DNAH5: variants seen among roughly 807,000 people sequenced by gnomAD.
DNAH5 encodes dynein axonemal heavy chain 5.
In DNAH5, 372 loss-of-function variants were observed where a neutral mutation model predicts 518.2. That is an observed-to-expected ratio of 0.72 (90% CI 0.66 to 0.78). DNAH5 has a LOEUF of 0.78. Ranked by LOEUF, DNAH5 falls within the 30% of genes least tolerant of loss-of-function variation. DNAH5 has a pLI of 0.00. For missense variants in DNAH5, 5,523 were observed against 5,687.0 expected (o/e 0.97, Z 0.93); for synonymous variants, 2,039 against 2,025.9 (o/e 1.01, Z -0.17).
intron 31 of DNAH5, among the ~76,000 whole-genome samples, chr5:13,850,103 A>G (rs767673278): frequency 6.6e-6 from 1 of 152,200 alleles, no homozygotes; most frequent in Non-Finnish European, 1.5e-5. Flanking sequence ...TTAAGTGTCA[A>G]TGTACACTTA....
Position 13,788,732 on chromosome 5 carries a change from A to G in DNAH5, c.8631T>C (p.Asp2877=). The change falls in exon 51 of 79, where the codon GAT becomes GAC. Residue 2877 remains aspartate (D), a synonymous_variant. Transcript: ENST00000265104. ...ATAGTTTACCTGCAGCTTCAGGTGC[A>G]TCTCTCAAGAAATCCACAAAATATG... ...IDTYFVDFLR[D]APEAAGETSE... 1 of 1,614,062 alleles carries G rather than the reference A, an allele frequency of 6.2e-7. No individual in the cohort carries two copies. The highest frequency in any genetic ancestry group is 1.3e-5 in the African/African-American group (1 of 75,050).
chr5:13,903,695 A>C (rs1774951915), intron 12 of DNAH5, among the ~76,000 whole-genome samples: 1 of 152,136 alleles, frequency 6.6e-6, no homozygotes, highest in Non-Finnish European at 1.5e-5. Context: ...GACAAAAATC[A>C]GTGAATAAAG....
chr5:13,835,382 C>T (rs572401380), intron 35 of DNAH5, among the ~76,000 whole-genome samples: 120 of 152,004 alleles, frequency 7.9e-4, no homozygotes, highest in Non-Finnish European at 1.3e-3. Flanking sequence ...AAGTAGCTCC[C>T]GAAACATTTC....
At chr5:13,803,110 C>T (rs1381300911) in intron 47 of DNAH5, among the ~76,000 whole-genome samples, 10 of 152,096 alleles carry the variant, frequency 6.6e-5, no homozygotes, top group Non-Finnish European at 1.5e-4. Context: ...CTATGTGTAG[C>T]TCTATACACT....
At chr5:13,734,069 T>C (rs1746997743) in intron 68 of DNAH5, among the ~76,000 whole-genome samples, 1 of 152,102 alleles carries the variant, frequency 6.6e-6, no homozygotes, top group South Asian at 2.1e-4. Context: ...GTGAGGCCAT[T>C]GAGACATAAT....
intron 11 of DNAH5, among the ~76,000 whole-genome samples, chr5:13,912,043 C>G (rs1435252048): frequency 6.6e-6 from 1 of 152,148 alleles, no homozygotes; most frequent in African/African-American, 2.4e-5. Flanking sequence ...TACTGCCCTG[C>G]AAAGCTGCAG....
intron 52 of DNAH5, among the ~76,000 whole-genome samples, chr5:13,782,778 C>CAGAT (rs1561246817): frequency 6.6e-6 from 1 of 152,180 alleles, no homozygotes; most frequent in African/African-American, 2.4e-5. Flanking sequence ...GACAAAGGAA[C>CAGAT]AGATACATGA....
At position 13,754,256 on chromosome 5, in the gene DNAH5, T is replaced by C; in HGVS notation, c.10502A>G (p.Glu3501Gly). The change falls in exon 62 of 79, where the codon GAA becomes GGA. Residue 3501 changes from glutamate to glycine, a missense_variant. Coordinates refer to ENST00000265104, the MANE Select transcript of DNAH5 (RefSeq NM_001369.3). ...TLISGLAGEK[E>G]RWTEQSQEFA... Reference sequence around the variant, plus strand: ...CTCTTGGCTTTGCTCTGTCCATCTTTCTTTTTCACCTGCCAAGCCACTGAT... The same window carrying C: ...CTCTTGGCTTTGCTCTGTCCATCTTCCTTTTTCACCTGCCAAGCCACTGAT... 6.2e-7 allele frequency: 1 copy of C among 1,614,138 alleles called. No homozygotes were observed. The highest frequency in any genetic ancestry group is 2.2e-5 in the East Asian group (1 of 44,888).
rs868560935 is a variant in DNAH5, at chr5:13,717,537, G to A, written c.12500-17C>T. On this transcript the variant is annotated splice_polypyrimidine_tract_variant and intron_variant, in intron 72 of 78. Transcript: ENST00000265104. ...GGCTGACACCTGTTGTGGTCAGTTG[G>A]GTGAAAAATGTATCATCTCTCAAAT... 1 of 1,601,058 alleles carries A rather than the reference G, an allele frequency of 6.2e-7. No homozygotes were observed. Among genetic ancestry groups the A allele is most frequent in the Non-Finnish European group, 8.6e-7 (1 of 1,168,528 alleles).
chr5:13,913,040 TG>T (rs1240957755), intron 11 of DNAH5, among the ~76,000 whole-genome samples: 2 of 151,984 alleles, frequency 1.3e-5, no homozygotes, highest in Non-Finnish European at 2.9e-5. Context: ...TAGTGTGTAG[TG>T]GTTAATTATA....
At chr5:13,853,443 A>G (rs1266768826) in intron 30 of DNAH5, among the ~76,000 whole-genome samples, 1 of 152,198 alleles carries the variant, frequency 6.6e-6, no homozygotes, top group South Asian at 2.1e-4. Flanking sequence ...TGAAAATTCC[A>G]AAAACCAGAA....
At chr5:13,929,241 G>A (rs1002779617) in intron 2 of DNAH5, among the ~76,000 whole-genome samples, 1 of 152,170 alleles carries the variant, frequency 6.6e-6, no homozygotes. Context: ...CCAAAAAGAT[G>A]AACACTGCAT....
At chr5:13,846,771 G>A (rs527434153) in intron 31 of DNAH5, among the ~76,000 whole-genome samples, 7 of 152,252 alleles carry the variant, frequency 4.6e-5, no homozygotes, top group South Asian at 2.1e-4. Context: ...CTCTTGCAGC[G>A]ATGGGATTTG....
intron 40 of DNAH5, among the ~76,000 whole-genome samples, chr5:13,821,087 T>C (rs992616337): frequency 6.6e-6 from 1 of 152,172 alleles, no homozygotes; most frequent in Admixed American, 6.5e-5. Flanking sequence ...ATATATTGCA[T>C]GAAAAATACA....
At chr5:13,975,613 T>C (rs1782185840) in intron 1 of DNAH5, among the ~76,000 whole-genome samples, 1 of 152,200 alleles carries the variant, frequency 6.6e-6, no homozygotes, top group Non-Finnish European at 1.5e-5. Context: ...TTCCAACAAT[T>C]AGTATGGCTG....
chr5:13,847,085 A>T (rs56272095), intron 31 of DNAH5, among the ~76,000 whole-genome samples: 81,009 of 151,912 alleles, frequency 0.53, 23,763 homozygotes, highest in East Asian at 0.84. Flanking sequence ...CAAACTCCTG[A>T]GACGGTATAG....
At chr5:13,856,575 T>G (rs961900924) in intron 30 of DNAH5, among the ~76,000 whole-genome samples, 27 of 152,040 alleles carry the variant, frequency 1.8e-4, no homozygotes, top group African/African-American at 6.5e-4. Flanking sequence ...AAAAGAAAAT[T>G]TAGGCCAATA....
At chr5:13,777,141 G>A in intron 54 of DNAH5, 61 bp downstream of exon 54, 1 of 1,506,036 alleles carries the variant, frequency 6.6e-7, no homozygotes, top group South Asian at 1.1e-5. Flanking sequence ...AAAACATGTA[G>A]AGCTCTAAGC....
At chr5:13,866,171 C>A (rs1203132059) in intron 26 of DNAH5, 49 bp downstream of exon 26, 4 of 1,566,890 alleles carry the variant, frequency 2.6e-6, no homozygotes, top group Non-Finnish European at 3.5e-6. Flanking sequence ...GTGTTTAAAA[C>A]ACAACAAAGT....
Sources: allele counts gnomAD v4.1 joint callset (sites outside exome capture counted in the v4.1 genomes callset), GRCh38; gene constraint gnomAD v4.1.1; transcripts MANE v1.5; gene names NCBI Gene and HGNC (gene_info 2026-07-23, HGNC 2026-07-21).